The following PEG3 variants were observed in gnomAD, a reference collection of about 807,000 sequenced individuals.
The protein encoded by PEG3 is paternally-expressed gene 3 protein.
Under a neutral mutation model 35.5 loss-of-function variants are expected in PEG3, and 23 were observed. The ratio of observed to expected loss-of-function variants is 0.65; its 90% CI spans 0.47 to 0.92. The LOEUF is 0.92. Ranked by LOEUF, PEG3 falls within the 40% of genes least tolerant of loss-of-function variation. The pLI, the probability that PEG3 is intolerant of heterozygous loss-of-function variation, is 0.00. For missense variants in PEG3, 1,960 were observed against 1,985.3 expected (o/e 0.99, Z 0.24); for synonymous variants, 707 against 697.0 (o/e 1.01, Z -0.23).
At position 56,812,634 on chromosome 19, in the gene PEG3, AG is replaced by A. The variant is rs1224434586; in HGVS notation, c.*1040del. On this transcript the variant is annotated 3_prime_UTR_variant, in exon 10 of 10. Coordinates refer to ENST00000326441, the MANE Select transcript of PEG3 (RefSeq NM_006210.3). ...GGAAGCGCACAAAGGAAGTGATGAA[AG>A]GTTATTAGCCTGCAACATTATTTAC... The A allele has an allele frequency of 7.1e-6, 7 of 985,686 alleles. No homozygotes were observed. The highest frequency in any genetic ancestry group is 8.4e-6 in the Non-Finnish European group (7 of 829,934). The allele number at this position is 985,686 out of a possible 1,614,324, so 61.1% of individuals were successfully genotyped here.
At position 56,836,969 on chromosome 19, in the gene PEG3, C is replaced by CAAAAAAAA. The variant is rs573566620; in HGVS notation, c.-249-873_-249-866dup. Among the ~76,000 whole-genome samples, 5 of 116,986 alleles carry CAAAAAAAA rather than the reference C, an allele frequency of 4.3e-5. 1 individual carries two copies. The East Asian group carries it at 8.7e-4, about 20-fold the overall frequency. The allele number at this position is 116,986 out of a possible 152,430, so 76.7% of individuals were successfully genotyped here. On this transcript the variant is annotated intron_variant, in intron 1 of 9. Transcript: ENST00000326441. The stretch of plus-strand genomic sequence containing the variant: ...TGGGTGAGAGGGCCAGACTCTGTCT[C>CAAAAAAAA]AAAAAAAAAAAAAAAAAAAAAAAAA...
rs151177996 is a variant in PEG3, at chr19:56,815,500, C to T, written c.2942G>A (p.Ser981Asn). 103 of 1,614,116 alleles carry T rather than the reference C, an allele frequency of 6.4e-5. No individual in the cohort carries two copies. Among genetic ancestry groups the T allele is most frequent in the African/African-American group, 2.7e-5 (2 of 75,022 alleles). Residue 981 changes from serine to asparagine, a missense_variant, in exon 10 of 10, where the codon AGC becomes AAC. Around this residue, in one of 5 missense-constraint regions of PEG3, gnomAD observed 798 missense variants for 782.4 expected, o/e 1.02. Transcript: ENST00000326441. ...CTTCTGGTGCTCAGTGAGGTCAGAG[C>T]TATGAGCAAAGCACTCCCCACACTC... ...CQECGECFAH[S>N]SDLTEHQKIH...
At chr19:56,822,674 C>T (rs2060615631) in intron 6 of PEG3, 79 bp downstream of exon 6, 3 of 1,561,508 alleles carry the variant, frequency 1.9e-6, no homozygotes, top group Admixed American at 3.7e-5. Context: ...AACTTCGAGG[C>T]CCTGGCACTT....
Position 56,818,608 on chromosome 19 carries a change from A to T in PEG3, c.764T>A (p.Leu255His). Residue 255 changes from leucine (L) to histidine (H), a missense_variant, in exon 8 of 10, where the codon CTC becomes CAC. Around this residue, in one of 5 missense-constraint regions of PEG3, gnomAD observed 613 missense variants for 577.1 expected, o/e 1.06. Transcript: ENST00000326441. The part of the protein sequence containing the change: ...QDNMENYRKL[L>H]SLVQLAEDDG... Reference sequence around the variant, plus strand: ...GAGAAGCAGCTGCTTACCGAGGGAGAGCAGCTTCCTGTAGTTTTCCATGTT... The same window carrying T: ...GAGAAGCAGCTGCTTACCGAGGGAGTGCAGCTTCCTGTAGTTTTCCATGTT... The T allele has an allele frequency of 6.2e-7, 1 of 1,614,082 alleles. No individual in the cohort carries two copies. The highest frequency in any genetic ancestry group is 8.5e-7 in the Non-Finnish European group (1 of 1,180,026).
At position 56,811,204 on chromosome 19, in the gene PEG3, A is replaced by G; in HGVS notation, c.*2471T>C. ...TAAACTTTTTAGTAACACTACCATA[A>G]AGAACATTCAAGAAATTTAAGAAAA... On this transcript the variant is annotated 3_prime_UTR_variant, in exon 10 of 10. Transcript: ENST00000326441. 1 of 969,956 alleles carries G rather than the reference A, an allele frequency of 1.0e-6. No individual in the cohort carries two copies. The highest frequency in any genetic ancestry group is 1.2e-6 in the Non-Finnish European group (1 of 815,872). 60.1% of individuals were successfully genotyped at this position (969,956 alleles called of 1,614,324 possible).
chr19:56,812,032 A>G lies in PEG3; in HGVS notation c.*1643T>C. 1.0e-6 allele frequency: 1 copy of G among 984,676 alleles called. No individual in the cohort carries two copies. Among genetic ancestry groups the G allele is most frequent in the Non-Finnish European group, 1.2e-6 (1 of 829,264 alleles). 61.0% of individuals were successfully genotyped at this position (984,676 alleles called of 1,614,324 possible). A position where few individuals can be genotyped will look rare whatever the true frequency, so the allele number is the denominator to read the frequency against. On this transcript the variant is annotated 3_prime_UTR_variant, in exon 10 of 10. Transcript: ENST00000326441. Reference sequence around the variant, plus strand: ...CAAGCCCTAATCCTGCAGATCCAGAAGAGTAAGATTCAGACACATTTCCCC... The same window carrying G: ...CAAGCCCTAATCCTGCAGATCCAGAGGAGTAAGATTCAGACACATTTCCCC...
Position 56,812,416 on chromosome 19 carries a change from G to A in PEG3, c.*1259C>T. ...ATGTTAAGCTTGGGTTGACTGTAAA[G>A]AATTTTTTTTTTTTTAATGCAAGTT... is the stretch of plus-strand genomic sequence containing the variant. On this transcript the variant is annotated 3_prime_UTR_variant, in exon 10 of 10. Coordinates refer to ENST00000326441, the MANE Select transcript of PEG3 (RefSeq NM_006210.3). 1.0e-6 allele frequency: 1 copy of A among 974,622 alleles called. No homozygotes were observed. Among genetic ancestry groups the A allele is most frequent in the Non-Finnish European group, 1.2e-6 (1 of 822,648 alleles). 60.4% of individuals were successfully genotyped at this position (974,622 alleles called of 1,614,324 possible). A position where few individuals can be genotyped will look rare whatever the true frequency, so the allele number is the denominator to read the frequency against.
Position 56,816,984 on chromosome 19 carries a change from A to G in PEG3, c.1458T>C (p.Phe486=), listed in dbSNP as rs2060038907. Residue 486 remains phenylalanine, a synonymous_variant, in exon 10 of 10, where the codon TTT becomes TTC. Transcript: ENST00000326441. ...CTTCACTGACAGCCACACTGTGGAT[A>G]AAGGACTCACCATACTCATAGAGGT... The part of the protein sequence containing the change: ...RENLYEYGES[F]IHSVAVSEVQ... 2 of 1,614,172 alleles carry G rather than the reference A, an allele frequency of 1.2e-6. No homozygotes were observed. The highest frequency in any genetic ancestry group is 1.7e-5 in the Admixed American group (1 of 60,028).
chr19:56,821,828 C>T (rs2146306173), intron 6 of PEG3, 74 bp from the exon 7 acceptor site: 1 of 1,523,808 alleles, frequency 6.6e-7, no homozygotes, highest in South Asian at 1.1e-5. Context: ...TCCCACTCAA[C>T]TATGAAGCCA....
In PEG3 at chr19:56,814,184, C is replaced by T. The variant is rs372205190; in HGVS notation, c.4258G>A (p.Gly1420Arg). The T allele has an allele frequency of 9.9e-6, 16 of 1,614,126 alleles. No homozygotes were observed. The highest frequency in any genetic ancestry group is 1.4e-5 in the Non-Finnish European group (16 of 1,180,034). ...EPEVEAAEPN[G>R]EAEGPDGEAA... ...TCTCCATCTGGCCCTTCAGCCTCTC[C>T]GTTTGGCTCAGCAGCCTCCACTTCT... is the stretch of plus-strand genomic sequence containing the variant. The change falls in exon 10 of 10, where the codon GGA becomes AGA. Residue 1420 changes from glycine (G) to arginine (R), a missense_variant. This residue lies in a region of PEG3 where 416 missense variants were observed against 416.7 expected (regional missense o/e 1.00). Transcript: ENST00000326441. The surrounding 1 kb of genome is among the most constrained non-coding windows in gnomAD (Gnocchi z 5.8).
rs569678910 is a variant in PEG3, at chr19:56,816,560, C to T, written c.1882G>A (p.Glu628Lys). The change falls in exon 10 of 10, where the codon GAA becomes AAA. Residue 628 changes from glutamate (E) to lysine (K), a missense_variant. Around this residue, in one of 5 missense-constraint regions of PEG3, gnomAD observed 798 missense variants for 782.4 expected, o/e 1.02. Transcript: ENST00000326441. ...QKMYGKEKMY[E>K]CKVCGETFLH... ...AAAGTCTCCCCACACACCTTACATT[C>T]GTACATTTTCTCTTTACCATACATT... 61 of 1,614,012 alleles carry T rather than the reference C, an allele frequency of 3.8e-5. No individual in the cohort carries two copies. Among genetic ancestry groups the T allele is most frequent in the South Asian group, 7.7e-5 (7 of 91,054 alleles).
Position 56,814,197 on chromosome 19 carries a change from A to T in PEG3, c.4245T>A (p.Ala1415=). The T allele has an allele frequency of 6.2e-7, 1 of 1,611,526 alleles. No individual in the cohort carries two copies. The highest frequency in any genetic ancestry group is 8.5e-7 in the Non-Finnish European group (1 of 1,178,250). The change falls in exon 10 of 10, where the codon GCT becomes GCA. Residue 1415 remains alanine (A), a synonymous_variant. Transcript: ENST00000326441. The surrounding 1 kb of genome is among the most constrained non-coding windows in gnomAD (Gnocchi z 5.8). ...CTTCAGCCTCTCCGTTTGGCTCAGC[A>T]GCCTCCACTTCTGGCTCAGCAGCCT... ...EVEAAEPEVE[A]AEPNGEAEGP...
At chr19:56,834,981 CT>C (rs1463819586) in intron 2 of PEG3, among the ~76,000 whole-genome samples, 1 of 152,182 alleles carries the variant, frequency 6.6e-6, no homozygotes, top group Admixed American at 6.5e-5. Flanking sequence ...TATGTGCTTG[CT>C]TCCCCACATC....
Position 56,835,999 on chromosome 19 carries a change from A to G in PEG3, c.-163+19T>C. The G allele has an allele frequency of 2.0e-6, 1 of 509,806 alleles. No homozygotes were observed. Among genetic ancestry groups the G allele is most frequent in the Non-Finnish European group, 3.9e-6 (1 of 255,606 alleles). The allele number at this position is 509,806 out of a possible 1,614,324, so 31.6% of individuals were successfully genotyped here. ...CTCCAAAGATGAATGTGGCACTGTG[A>G]GGAGGAAATTCAACTCACCTGGACC... On this transcript the variant is annotated intron_variant, in intron 2 of 9. Coordinates refer to ENST00000326441, the MANE Select transcript of PEG3 (RefSeq NM_006210.3).
In PEG3 at chr19:56,817,398, G is replaced by C. The variant is rs758292805; in HGVS notation, c.1044C>G (p.Asn348Lys). Residue 348 changes from asparagine to lysine, a missense_variant, in exon 10 of 10, where the codon AAC (asparagine) becomes AAG (lysine). By Grantham distance (94) the Asn-to-Lys change is moderately conservative. Around this residue, in one of 5 missense-constraint regions of PEG3, gnomAD observed 613 missense variants for 577.1 expected, o/e 1.06. Coordinates refer to ENST00000326441, the MANE Select transcript of PEG3 (RefSeq NM_006210.3). ...SQRFPRMSDD[N>K]WKDISLNKRE... ...TCTTGTTCAATGAAATGTCCTTCCA[G>C]TTATCATCTGACATTCTGGGGAATC... is the stretch of plus-strand genomic sequence containing the variant. 3 of 1,614,036 alleles carry C rather than the reference G, an allele frequency of 1.9e-6. No homozygotes were observed. Among genetic ancestry groups the C allele is most frequent in the Non-Finnish European group, 2.5e-6 (3 of 1,179,972 alleles).
At chr19:56,823,846 C>T (rs1381392131) in intron 4 of PEG3, among the ~76,000 whole-genome samples, 167 bp from the exon 5 acceptor site, 1 of 152,172 alleles carries the variant, frequency 6.6e-6, no homozygotes, top group Non-Finnish European at 1.5e-5. Context: ...CCACTCCTGG[C>T]ATACTAAAAA....
chr19:56,817,566 C>G lies in PEG3; in HGVS notation c.876G>C (p.Met292Ile), dbSNP rs370569730. 1.9e-6 allele frequency: 3 copies of G among 1,590,944 alleles called. No individual in the cohort carries two copies. In the South Asian group the frequency reaches 3.4e-5, roughly 18 times the overall value. The change falls in exon 10 of 10, where the codon ATG becomes ATC. Residue 292 changes from methionine to isoleucine, a missense_variant. Met to Ile is a conservative substitution (Grantham distance 10, BLOSUM62 1). Around this residue, in one of 5 missense-constraint regions of PEG3, gnomAD observed 613 missense variants for 577.1 expected, o/e 1.06. Transcript: ENST00000326441. The stretch of plus-strand genomic sequence containing the variant: ...GGTGGGTTGATTTTTTGGCTTCAGG[C>G]ATAGTTTTTAGACCTGGAAAGAAAC... ...YPSTSRGLKT[M>I]PEAKKSTHRR...
intron 1 of PEG3, among the ~76,000 whole-genome samples, chr19:56,838,409 G>A (rs956615517): frequency 2.6e-5 from 4 of 152,174 alleles, no homozygotes; most frequent in African/African-American, 7.2e-5. Context: ...AGGGGCAGTG[G>A]AGGTGAGGGT....
chr19:56,815,601 A>G lies in PEG3; in HGVS notation c.2841T>C (p.Asn947=). ...AKKKYIEHRS[N]ETSVIHSLPF... Reference sequence around the variant, plus strand: ...GCAGAGAGTGAATTACAGAGGTCTCATTGCTCCTATGCTCAATGTATTTCT... The same window carrying G: ...GCAGAGAGTGAATTACAGAGGTCTCGTTGCTCCTATGCTCAATGTATTTCT... Residue 947 remains asparagine, a synonymous_variant, in exon 10 of 10, where the codon AAT becomes AAC. Coordinates refer to ENST00000326441, the MANE Select transcript of PEG3 (RefSeq NM_006210.3). The G allele has an allele frequency of 6.2e-7, 1 of 1,614,108 alleles. No individual in the cohort carries two copies. Among genetic ancestry groups the G allele is most frequent in the Non-Finnish European group, 8.5e-7 (1 of 1,179,968 alleles).
Sources: allele counts gnomAD v4.1 joint callset (sites outside exome capture counted in the v4.1 genomes callset), GRCh38; gene constraint gnomAD v4.1.1; regional missense constraint gnomAD v4.1.1; non-coding constraint Gnocchi (gnomAD v3.1); transcripts MANE v1.5; gene names NCBI Gene and HGNC (gene_info 2026-07-23, HGNC 2026-07-21).